FHIT: variants seen among roughly 807,000 people sequenced by gnomAD.
FHIT encodes the protein fragile histidine triad diadenosine triphosphatase, also known as bis(5'-adenosyl)-triphosphatase.
Under a neutral mutation model 17.9 loss-of-function variants are expected in FHIT, and 19 were observed. The observed-to-expected ratio is 1.06, with a 90% CI of 0.74 to 1.56. The LOEUF (loss-of-function observed/expected upper bound fraction) is 1.56, where lower values mean the gene tolerates loss of function less well. Ranked by LOEUF, FHIT falls within the 40% of genes most tolerant of loss-of-function variation. The probability of loss-of-function intolerance (pLI) is 0.00; values close to 1 mark genes in which losing one functional copy is unlikely to be tolerated. For missense variants in FHIT, 248 were observed against 189.2 expected, an observed-to-expected ratio of 1.31 and a Z score of -1.82; for synonymous variants, 81 against 69.7, an observed-to-expected ratio of 1.16 and a Z score of -0.81.
At chr3:60,062,090 T>A (rs1373672097) in intron 5 of FHIT, among the ~76,000 whole-genome samples, 1 of 152,126 alleles carries the variant, frequency 6.6e-6, no homozygotes, top group East Asian at 1.9e-4. Flanking sequence ...TTTCCTTAGG[T>A]TATTACCAGA....
At chr3:60,834,149 G>A (rs1553743273) in intron 3 of FHIT, among the ~76,000 whole-genome samples, 1 of 152,210 alleles carries the variant, frequency 6.6e-6, no homozygotes, top group African/African-American at 2.4e-5. Context: ...TAAATGCCCA[G>A]GAGTATGATA....
At chr3:60,192,480 G>C (rs541482100) in intron 5 of FHIT, among the ~76,000 whole-genome samples, 5 of 152,066 alleles carry the variant, frequency 3.3e-5, no homozygotes, top group Non-Finnish European at 7.4e-5. Context: ...AGGAGTTTCC[G>C]TTCTGTGACT....
At chr3:60,865,941 A>T (rs1386633203) in intron 3 of FHIT, among the ~76,000 whole-genome samples, 1 of 151,716 alleles carries the variant, frequency 6.6e-6, no homozygotes, top group African/African-American at 2.4e-5. Context: ...ACAATTGTAG[A>T]TTTTTTTTTA....
At chr3:60,253,654 C>T (rs569995480) in intron 5 of FHIT, among the ~76,000 whole-genome samples, 2 of 152,244 alleles carry the variant, frequency 1.3e-5, no homozygotes, top group African/African-American at 2.4e-5. Context: ...AGACAAAGCC[C>T]ACTGTCCAAT....
chr3:61,082,639 A>G (rs2035176773), intron 2 of FHIT, among the ~76,000 whole-genome samples: 1 of 152,146 alleles, frequency 6.6e-6, no homozygotes, highest in African/African-American at 2.4e-5. Context: ...TAATTATATT[A>G]ATTTTCAATC....
At chr3:60,305,810 T>TGA (rs1708645070) in intron 5 of FHIT, among the ~76,000 whole-genome samples, 1 of 152,130 alleles carries the variant, frequency 6.6e-6, no homozygotes, top group East Asian at 1.9e-4. Flanking sequence ...AATGGATACT[T>TGA]AGCAATTTTT....
intron 8 of FHIT, among the ~76,000 whole-genome samples, chr3:59,887,237 G>A (rs1395736414): frequency 5.3e-5 from 8 of 152,052 alleles, no homozygotes; most frequent in African/African-American, 1.9e-4. Context: ...TATTAAAAAC[G>A]AACCAGAGCA....
chr3:59,896,261 T>C (rs981687040), intron 8 of FHIT, among the ~76,000 whole-genome samples: 2 of 152,166 alleles, frequency 1.3e-5, no homozygotes, highest in Non-Finnish European at 2.9e-5. Flanking sequence ...TACACATCTG[T>C]TGAATGAATA....
intron 4 of FHIT, among the ~76,000 whole-genome samples, chr3:60,766,842 C>G (rs1699870977): frequency 6.6e-6 from 1 of 152,100 alleles, no homozygotes; most frequent in African/African-American, 2.4e-5. Flanking sequence ...AAGACAAGAT[C>G]CTTATCCCTG....
intron 3 of FHIT, among the ~76,000 whole-genome samples, chr3:61,003,496 C>A (rs1250981742): frequency 2.0e-5 from 3 of 152,162 alleles, no homozygotes; most frequent in Non-Finnish European, 1.5e-5. Flanking sequence ...TTCTAATATT[C>A]ACTTATAATG....
chr3:61,111,710 CA>C (rs1265767477), intron 2 of FHIT, among the ~76,000 whole-genome samples: 1 of 152,210 alleles, frequency 6.6e-6, no homozygotes, highest in Admixed American at 6.5e-5. Context: ...CCTTGGTTGT[CA>C]TACTAATTTA....
chr3:60,181,707 G>A (rs765547382), intron 5 of FHIT, among the ~76,000 whole-genome samples: 1 of 152,178 alleles, frequency 6.6e-6, no homozygotes, highest in African/African-American at 2.4e-5. Flanking sequence ...GTCTCACAAA[G>A]TGAAAAGCTC....
chr3:60,322,723 C>T (rs945433031), intron 5 of FHIT, among the ~76,000 whole-genome samples: 1 of 152,088 alleles, frequency 6.6e-6, no homozygotes, highest in Non-Finnish European at 1.5e-5. Flanking sequence ...CATGGGTAGT[C>T]ACAACACTGT....
chr3:59,781,237 A>G (rs1702570095), intron 8 of FHIT, among the ~76,000 whole-genome samples: 1 of 152,170 alleles, frequency 6.6e-6, no homozygotes, highest in Non-Finnish European at 1.5e-5. Context: ...TTCAAAACAT[A>G]TGGGTATCCT....
At chr3:60,416,113 C>CA (rs1312333207) in intron 5 of FHIT, among the ~76,000 whole-genome samples, 7 of 151,556 alleles carry the variant, frequency 4.6e-5, no homozygotes, top group African/African-American at 1.5e-4. Context: ...GCCCAATAAA[C>CA]ATAACAAGAT....
chr3:60,502,803 G>T (rs542195667), intron 5 of FHIT, among the ~76,000 whole-genome samples: 3 of 152,104 alleles, frequency 2.0e-5, no homozygotes, highest in African/African-American at 4.8e-5. Flanking sequence ...CACGGTGTGT[G>T]AAGTATATAT....
chr3:60,951,637 G>A (rs1708889240), intron 3 of FHIT, among the ~76,000 whole-genome samples: 1 of 152,186 alleles, frequency 6.6e-6, no homozygotes, highest in Admixed American at 6.5e-5. Context: ...GAAGAAAGAA[G>A]TGCAGCTTGC....
chr3:60,385,038 G>A (rs1700955929), intron 5 of FHIT, among the ~76,000 whole-genome samples: 1 of 152,096 alleles, frequency 6.6e-6, no homozygotes, highest in South Asian at 2.1e-4. Context: ...GAGATACGTT[G>A]CTAACACAAC....
chr3:60,708,435 A>C (rs1375737972), intron 4 of FHIT, among the ~76,000 whole-genome samples: 1 of 152,208 alleles, frequency 6.6e-6, no homozygotes, highest in African/African-American at 2.4e-5. Context: ...TCCCAAGTTC[A>C]TTGATATGTG....
Sources: gnomAD v4.1 joint callset for allele counts (sites outside exome capture counted in the v4.1 genomes callset) on GRCh38, gnomAD v4.1.1 for gene constraint, MANE v1.5 for transcripts, NCBI Gene and HGNC (gene_info 2026-07-23, HGNC 2026-07-21) for gene names.